Variants in ADAMTS12 observed in about 807,000 individuals in gnomAD.
ADAMTS12 encodes the protein A disintegrin and metalloproteinase with thrombospondin motifs 12.
A neutral mutation model predicts 167.8 loss-of-function variants in ADAMTS12; 118 were observed. That is an observed-to-expected ratio of 0.70 (90% CI 0.61 to 0.82). The LOEUF (loss-of-function observed/expected upper bound fraction) is 0.82. Among genes scored for constraint, ADAMTS12 ranks in the 40% least tolerant of loss-of-function variants. ADAMTS12 has a pLI of 0.00. For synonymous variants in ADAMTS12, 704 were observed against 716.9 expected, an observed-to-expected ratio of 0.98 and a Z score of 0.29; for missense variants, 1,916 against 1,998.8, an observed-to-expected ratio of 0.96 and a Z score of 0.79.
At chr5:33,722,698 C>A (rs1338913001) in intron 3 of ADAMTS12, among the ~76,000 whole-genome samples, 1 of 152,176 alleles carries the variant, frequency 6.6e-6, no homozygotes, top group Non-Finnish European at 1.5e-5. Flanking sequence ...ATCTACTCTA[C>A]CAACAAACCA....
At chr5:33,731,377 T>G (rs1312908502) in intron 3 of ADAMTS12, among the ~76,000 whole-genome samples, 2 of 152,070 alleles carry the variant, frequency 1.3e-5, no homozygotes, top group African/African-American at 4.8e-5. Context: ...TACATTAAAG[T>G]GAGTGTTGAA....
intron 1 of ADAMTS12, among the ~76,000 whole-genome samples, chr5:33,884,931 G>T (rs543871019): frequency 2.4e-4 from 37 of 152,248 alleles, no homozygotes; most frequent in Non-Finnish European, 5.0e-4. Flanking sequence ...TTTAAAGGGA[G>T]CACGAACGAA....
chr5:33,868,198 T>C (rs1278446330), intron 2 of ADAMTS12, among the ~76,000 whole-genome samples: 1 of 152,150 alleles, frequency 6.6e-6, no homozygotes, highest in Non-Finnish European at 1.5e-5. Flanking sequence ...AATGGACTAA[T>C]ATAGAAAATT....
At chr5:33,694,133 T>C (rs2112282744) in intron 3 of ADAMTS12, among the ~76,000 whole-genome samples, 2 of 152,236 alleles carry the variant, frequency 1.3e-5, no homozygotes, top group Admixed American at 1.3e-4. Flanking sequence ...AATTACAAAA[T>C]ACTGCTCAAA....
intron 5 of ADAMTS12, among the ~76,000 whole-genome samples, chr5:33,671,185 G>A (rs1050975887): frequency 1.3e-5 from 2 of 152,180 alleles, no homozygotes; most frequent in Admixed American, 6.5e-5. Context: ...AAGTATAAAA[G>A]GTATGAAAGG....
chr5:33,870,330 A>G (rs1051958012), intron 2 of ADAMTS12, among the ~76,000 whole-genome samples: 1 of 152,238 alleles, frequency 6.6e-6, no homozygotes, highest in Non-Finnish European at 1.5e-5. Flanking sequence ...GGAAGTGATA[A>G]ATGTCCATGA....
chr5:33,673,352 A>G (rs1741787816), intron 5 of ADAMTS12, among the ~76,000 whole-genome samples: 2 of 152,148 alleles, frequency 1.3e-5, no homozygotes, highest in South Asian at 4.1e-4. Flanking sequence ...GGTCACCTCC[A>G]CAGGTACTTT....
intron 5 of ADAMTS12, among the ~76,000 whole-genome samples, chr5:33,669,737 G>A (rs1007791961): frequency 6.6e-6 from 1 of 151,514 alleles, no homozygotes; most frequent in Non-Finnish European, 1.5e-5. Context: ...TTGCATTTGG[G>A]AAAATAAATA....
chr5:33,814,045 A>G lies in ADAMTS12; in HGVS notation c.490-62497T>C, dbSNP rs189524857. On this transcript the variant is annotated intron_variant, in intron 2 of 23. Transcript: ENST00000504830. Reference sequence around the variant, plus strand: ...TCCTTTGTTGCAAGTATGTTCTTCAAATATTTTCTCCCAATCTGTGGCTTG... The same window carrying G: ...TCCTTTGTTGCAAGTATGTTCTTCAGATATTTTCTCCCAATCTGTGGCTTG... Among the ~76,000 whole-genome samples, 130 of 152,296 alleles carry G rather than the reference A, an allele frequency of 8.5e-4. 1 individual carries two copies. The highest frequency in any genetic ancestry group is 3.0e-3 in the African/African-American group (123 of 41,568).
rs70964407 is a variant in ADAMTS12 at position 33,632,396 on chromosome 5, A to AAAAC, written c.1889-1487_1889-1484dup. Among the ~76,000 whole-genome samples the AAAAC allele has an allele frequency of 2.6e-3, 386 of 151,196 alleles. 3 individuals carry two copies. The highest frequency in any genetic ancestry group is 8.5e-3 in the African/African-American group (351 of 41,156). ...CAAGCACATGTGCTCCCTGAATCCAAAAACAAACAAACAAACAAAAAAGCT... is the reference window on the plus strand; with the variant it reads ...CAAGCACATGTGCTCCCTGAATCCAAAAACAAACAAACAAACAAACAAAAAAGCT... On this transcript the variant is annotated intron_variant, in intron 12 of 23. Transcript: ENST00000504830.
At chr5:33,804,512 G>C (rs1747147504) in intron 2 of ADAMTS12, among the ~76,000 whole-genome samples, 1 of 152,200 alleles carries the variant, frequency 6.6e-6, no homozygotes, top group Non-Finnish European at 1.5e-5. Context: ...ATGCAGATGT[G>C]TGAGCAAGAA....
chr5:33,787,226 T>G lies in ADAMTS12; in HGVS notation c.490-35678A>C, dbSNP rs143833176. Among the ~76,000 whole-genome samples the G allele has an allele frequency of 1.2e-3, 184 of 152,272 alleles. 1 individual carries two copies. Among genetic ancestry groups the G allele is most frequent in the African/African-American group, 4.2e-3 (176 of 41,548 alleles). On this transcript the variant is annotated intron_variant, in intron 2 of 23. Transcript: ENST00000504830. ...CCTCCTATTGATTTATTTTACTGAT[T>G]GTCAGGTTTACCCCTGAAAAAGATC...
chr5:33,774,125 C>T (rs541406708), intron 2 of ADAMTS12, among the ~76,000 whole-genome samples: 59 of 152,236 alleles, frequency 3.9e-4, no homozygotes, highest in South Asian at 2.1e-3. Context: ...TTCACTCGAC[C>T]CTAATCTGGT....
intron 9 of ADAMTS12, among the ~76,000 whole-genome samples, chr5:33,644,466 C>T (rs207465892): frequency 1.3e-5 from 2 of 152,208 alleles, no homozygotes; most frequent in South Asian, 4.1e-4. Flanking sequence ...AATCCATCCA[C>T]TGAATTTTTA....
At chr5:33,656,362 A>G (rs1025394085) in intron 7 of ADAMTS12, among the ~76,000 whole-genome samples, 1 of 152,206 alleles carries the variant, frequency 6.6e-6, no homozygotes. Flanking sequence ...GAAATCTGGA[A>G]GGAGGATCAT....
intron 5 of ADAMTS12, among the ~76,000 whole-genome samples, chr5:33,666,453 C>A (rs1260778709): frequency 6.6e-6 from 1 of 152,136 alleles, no homozygotes; most frequent in Non-Finnish European, 1.5e-5. Flanking sequence ...CCTCTCGATT[C>A]CCTAGCTTGT....
At chr5:33,588,489 G>T (rs1027134634) in intron 18 of ADAMTS12, 110 bp downstream of exon 18, 1 of 1,294,350 alleles carries the variant, frequency 7.7e-7, no homozygotes, top group Admixed American at 1.7e-5. Flanking sequence ...GATGAACACT[G>T]GCTATTTTGC....
chr5:33,742,816 G>A (rs780686789), intron 3 of ADAMTS12, among the ~76,000 whole-genome samples: 2 of 152,136 alleles, frequency 1.3e-5, no homozygotes, highest in African/African-American at 2.4e-5. Flanking sequence ...TCTGTCTTAG[G>A]CAACTGAAGG....
At chr5:33,885,983 C>T (rs1349680439) in intron 1 of ADAMTS12, among the ~76,000 whole-genome samples, 2 of 152,180 alleles carry the variant, frequency 1.3e-5, no homozygotes, top group Non-Finnish European at 1.5e-5. Flanking sequence ...AGAACTGCAA[C>T]GGGAAGAGTG....
Sources: gnomAD v4.1 joint callset for allele counts (sites outside exome capture counted in the v4.1 genomes callset) on GRCh38, gnomAD v4.1.1 for gene constraint, MANE v1.5 for transcripts, NCBI Gene and HGNC (gene_info 2026-07-23, HGNC 2026-07-21) for gene names.